The following RAPGEF6 variants were observed in gnomAD, a reference collection of about 807,000 sequenced individuals.
The protein encoded by RAPGEF6 is Rap guanine nucleotide exchange factor 6, also known as PDZ domain containing guanine nucleotide exchange factor (GEF) 2.
RAPGEF6 carries 56 observed loss-of-function variants against 171.4 expected under a neutral mutation model. That is an observed-to-expected ratio of 0.33 (90% CI 0.26 to 0.41). The LOEUF is 0.41. Among genes scored for constraint, RAPGEF6 ranks in the 10% least tolerant of loss-of-function variants. The probability of loss-of-function intolerance (pLI) is 1.00; values close to 1 mark genes in which losing one functional copy is unlikely to be tolerated. For missense variants in RAPGEF6, 1,674 were observed against 1,921.4 expected (o/e 0.87, Z 2.41); for synonymous variants, 692 against 650.1 (o/e 1.06, Z -0.98).
At chr5:131,475,389 AG>A (rs1287957700) in intron 16 of RAPGEF6, among the ~76,000 whole-genome samples, 1 of 152,228 alleles carries the variant, frequency 6.6e-6, no homozygotes, top group Non-Finnish European at 1.5e-5. Flanking sequence ...TTAGGATAAA[AG>A]TACTTGGTTT....
At chr5:131,493,157 C>T (rs957435901) in intron 13 of RAPGEF6, among the ~76,000 whole-genome samples, 47 of 152,094 alleles carry the variant, frequency 3.1e-4, no homozygotes, top group Non-Finnish European at 6.5e-4. Flanking sequence ...CTCCACCTCC[C>T]GGGTTCATGC....
chr5:131,442,430 T>G lies in RAPGEF6; in HGVS notation c.3529A>C (p.Arg1177=). 6.2e-7 allele frequency: 1 copy of G among 1,614,176 alleles called. No homozygotes were observed. Among genetic ancestry groups the G allele is most frequent in the Non-Finnish European group, 8.5e-7 (1 of 1,180,016 alleles). The stretch of plus-strand genomic sequence containing the variant: ...GGCACCTGAAGCACCTGGCTTACTC[T>G]GTGGGGTTGATGCAAGTGGGCTTTA... ...TTKAHLHQPH[R]VSQVLQVPAV... The change falls in exon 23 of 28, where the codon AGA becomes CGA. Residue 1177 remains arginine, a synonymous_variant. Coordinates refer to ENST00000509018, the MANE Select transcript of RAPGEF6 (RefSeq NM_016340.6).
rs1223835111 is a variant in RAPGEF6 at position 131,433,534 on chromosome 5, A to G, written c.3870T>C (p.Asp1290=). ...CCAGGGCCTGAGAGGAACACCGTTC[A>G]TCCTGTAGAGCTGCAGACATGGAGT... is the stretch of plus-strand genomic sequence containing the variant. The part of the protein sequence containing the change: ...SVDSMSAALQ[D]ERCSSQALAV... Residue 1290 remains aspartate (D), a synonymous_variant, in exon 25 of 28, where the codon GAT becomes GAC. Transcript: ENST00000509018. 1.9e-6 allele frequency: 3 copies of G among 1,613,764 alleles called. No homozygotes were observed. The highest frequency in any genetic ancestry group is 2.2e-5 in the South Asian group (2 of 91,074).
rs775148114 is a variant in RAPGEF6, at chr5:131,433,677, C to T, written c.3746-19G>A. On this transcript the variant is annotated intron_variant, in intron 24 of 27. Transcript: ENST00000509018. ...GTGTAACCTGAACAAGAAAAGAGCA[C>T]TGATCAAACTACAAAAAAAGGGAAC... is the stretch of plus-strand genomic sequence containing the variant. The T allele has an allele frequency of 5.2e-6, 8 of 1,541,816 alleles. No individual in the cohort carries two copies. The highest frequency in any genetic ancestry group is 7.2e-6 in the Non-Finnish European group (8 of 1,116,654).
At chr5:131,568,571 G>A (rs1454369164) in intron 4 of RAPGEF6, among the ~76,000 whole-genome samples, 1 of 151,996 alleles carries the variant, frequency 6.6e-6, no homozygotes, top group Non-Finnish European at 1.5e-5. Flanking sequence ...CTCTGGCCTT[G>A]GCCTCTCAAA....
chr5:131,455,324 T>C (rs1334049176), intron 20 of RAPGEF6, among the ~76,000 whole-genome samples: 1 of 152,248 alleles, frequency 6.6e-6, no homozygotes, highest in East Asian at 1.9e-4. Context: ...AGTGGCGCCA[T>C]CTAGGCTCAC....
chr5:131,467,155 C>T lies in RAPGEF6; in HGVS notation c.2240-2874G>A, dbSNP rs115271724. 5.8e-3 allele frequency among the ~76,000 whole-genome samples: 889 copies of T among 152,270 alleles called. 9 individuals are homozygous for T. Among genetic ancestry groups the T allele is most frequent in the African/African-American group, 0.021 (861 of 41,542 alleles). ...TTTGTACACATTTCATGTTCTCTTCCCTTGCTGCCAATATACTGTAACATC... is the reference window on the plus strand; with the variant it reads ...TTTGTACACATTTCATGTTCTCTTCTCTTGCTGCCAATATACTGTAACATC... On this transcript the variant is annotated intron_variant, in intron 17 of 27. Transcript: ENST00000509018.
At chr5:131,516,357 C>T (rs960668714) in intron 7 of RAPGEF6, among the ~76,000 whole-genome samples, 2 of 151,970 alleles carry the variant, frequency 1.3e-5, no homozygotes, top group African/African-American at 4.8e-5. Flanking sequence ...ATATTCTTAA[C>T]AGAAATATTA....
intron 19 of RAPGEF6, among the ~76,000 whole-genome samples, chr5:131,458,297 G>C (rs978188254): frequency 6.6e-6 from 1 of 152,144 alleles, no homozygotes; most frequent in African/African-American, 2.4e-5. Flanking sequence ...CAAGAGATCT[G>C]ATGGTTTAAA....
At chr5:131,572,665 G>A (rs934836564) in intron 4 of RAPGEF6, among the ~76,000 whole-genome samples, 2 of 152,070 alleles carry the variant, frequency 1.3e-5, no homozygotes, top group Non-Finnish European at 2.9e-5. Flanking sequence ...CCTGGTAGCT[G>A]CCCATCTCCA....
At chr5:131,493,923 C>G (rs1006648020) in intron 13 of RAPGEF6, among the ~76,000 whole-genome samples, 1 of 152,174 alleles carries the variant, frequency 6.6e-6, no homozygotes, top group Non-Finnish European at 1.5e-5. Flanking sequence ...TTCACTCTCC[C>G]CATTTTGTAT....
chr5:131,595,561 G>T (rs570615991), intron 3 of RAPGEF6, among the ~76,000 whole-genome samples: 42 of 151,920 alleles, frequency 2.8e-4, no homozygotes, highest in Non-Finnish European at 5.0e-4. Flanking sequence ...CATAAAGTAA[G>T]TACAGCAGAT....
At chr5:131,601,564 TTCA>T (rs1764260089) in intron 3 of RAPGEF6, among the ~76,000 whole-genome samples, 1 of 152,184 alleles carries the variant, frequency 6.6e-6, no homozygotes, top group Non-Finnish European at 1.5e-5. Context: ...ATAAATGTCA[TTCA>T]TCATCATTAG....
chr5:131,462,116 T>C (rs747556256), intron 18 of RAPGEF6, 28 bp from the exon 19 acceptor site: 27 of 1,402,532 alleles, frequency 1.9e-5, no homozygotes, highest in Non-Finnish European at 2.3e-5. Flanking sequence ...TTTAAATAAA[T>C]GTATTCATAA....
chr5:131,462,942 T>C (rs1561483665), intron 18 of RAPGEF6, among the ~76,000 whole-genome samples: 1 of 152,212 alleles, frequency 6.6e-6, no homozygotes, highest in Non-Finnish European at 1.5e-5. Context: ...CTGAAACTCA[T>C]TATGCTATAT....
At chr5:131,624,421 G>A (rs1161580617) in intron 1 of RAPGEF6, among the ~76,000 whole-genome samples, 2 of 152,210 alleles carry the variant, frequency 1.3e-5, no homozygotes, top group Admixed American at 6.5e-5. Flanking sequence ...AGCCCCAAGA[G>A]AGGAGGTTAA....
chr5:131,429,551 G>A (rs1324297357), intron 26 of RAPGEF6, among the ~76,000 whole-genome samples: 2 of 152,046 alleles, frequency 1.3e-5, no homozygotes, highest in Non-Finnish European at 2.9e-5. Flanking sequence ...AAAGATATCA[G>A]AAACATTTAA....
chr5:131,524,552 TGGGAGA>T (rs941502784), intron 6 of RAPGEF6, among the ~76,000 whole-genome samples: 10 of 138,230 alleles, frequency 7.2e-5, no homozygotes, highest in East Asian at 4.3e-4. Context: ...AGCTTATAGA[TGGGAGA>T]GGGAGAGGGA....
chr5:131,602,253 G>C (rs1387354127), intron 3 of RAPGEF6, among the ~76,000 whole-genome samples: 2 of 152,046 alleles, frequency 1.3e-5, no homozygotes, highest in East Asian at 3.9e-4. Context: ...AGGTTATATG[G>C]TATAGCCTAT....
Sources: allele counts gnomAD v4.1 joint callset (sites outside exome capture counted in the v4.1 genomes callset), GRCh38; gene constraint gnomAD v4.1.1; transcripts MANE v1.5; gene names NCBI Gene and HGNC (gene_info 2026-07-23, HGNC 2026-07-21).